RAB38: variants seen among roughly 807,000 people sequenced by gnomAD.
RAB38 encodes the protein RAB38, member RAS oncogene family, also known as ras-related protein Rab-38.
A neutral mutation model predicts 18.4 loss-of-function variants in RAB38; 15 were observed. The observed-to-expected ratio is 0.82, with a 90% CI of 0.55 to 1.26. RAB38 has a LOEUF of 1.26. RAB38 is among the 50% of genes most tolerant of loss of function. The pLI is 0.00. For synonymous variants in RAB38, 101 were observed against 104.4 expected, an observed-to-expected ratio of 0.97 and a Z score of 0.20; for missense variants, 294 against 267.4, an observed-to-expected ratio of 1.10 and a Z score of -0.69.
chr11:87,871,371 C>G, the RAB38 span, among the ~76,000 whole-genome samples: 5 of 151,604 alleles, frequency 3.3e-5, no homozygotes, highest in African/African-American at 1.2e-4. Context: ...AAAAAGACTA[C>G]AGCTACAAAA....
the RAB38 span, among the ~76,000 whole-genome samples, chr11:87,812,266 T>C: frequency 2.0e-5 from 3 of 152,190 alleles, no homozygotes; most frequent in African/African-American, 7.2e-5. Context: ...TACAAAACCT[T>C]CCTTGTCATT....
intron 2 of RAB38, among the ~76,000 whole-genome samples, chr11:88,125,970 G>A (rs1942690417): frequency 6.6e-6 from 1 of 152,150 alleles, no homozygotes; most frequent in Non-Finnish European, 1.5e-5. Context: ...TATTAAACAG[G>A]GAATCCTTTC....
chr11:88,165,280 C>G (rs1454604728), intron 1 of RAB38, among the ~76,000 whole-genome samples: 1 of 152,032 alleles, frequency 6.6e-6, no homozygotes, highest in African/African-American at 2.4e-5. Context: ...CCCAGCATGA[C>G]CTGCTACTAT....
At chr11:87,804,047 G>C in the RAB38 span, among the ~76,000 whole-genome samples, 8 of 152,328 alleles carry the variant, frequency 5.3e-5, no homozygotes, top group East Asian at 1.3e-3. Context: ...CAACTTGGGT[G>C]ACCAAAACCG....
the RAB38 span, among the ~76,000 whole-genome samples, chr11:88,044,938 A>G: frequency 0.75 from 113,256 of 151,968 alleles, 42,375 homozygotes; most frequent in African/African-American, 0.79. Flanking sequence ...TTACAGTTTC[A>G]TTCTGCGACT....
the RAB38 span, among the ~76,000 whole-genome samples, chr11:87,903,497 T>C: frequency 6.6e-6 from 1 of 151,600 alleles, no homozygotes; most frequent in South Asian, 2.1e-4. Flanking sequence ...CCTTCACTCT[T>C]GAAGGATATT....
chr11:88,005,595 T>G, the RAB38 span, among the ~76,000 whole-genome samples: 5 of 151,442 alleles, frequency 3.3e-5, no homozygotes, highest in Non-Finnish European at 5.9e-5. Context: ...GTTTTTTTTT[T>G]TAATTTCATA....
chr11:88,173,224 T>G (rs1441186071), intron 1 of RAB38, among the ~76,000 whole-genome samples: 6 of 152,228 alleles, frequency 3.9e-5, no homozygotes. Context: ...CATATCCTTC[T>G]TGCCTAGCAT....
the RAB38 span, among the ~76,000 whole-genome samples, chr11:88,046,984 CT>C: frequency 6.6e-6 from 1 of 152,144 alleles, no homozygotes; most frequent in Non-Finnish European, 1.5e-5. Flanking sequence ...GCCCTGTAGC[CT>C]TTTTATCCTA....
the RAB38 span, among the ~76,000 whole-genome samples, chr11:88,020,989 C>CA: frequency 6.6e-6 from 1 of 151,594 alleles, no homozygotes. Context: ...GTGCCTACAT[C>CA]AAAAAAGAGG....
chr11:87,831,514 C>T, the RAB38 span, among the ~76,000 whole-genome samples: 1 of 152,126 alleles, frequency 6.6e-6, no homozygotes, highest in Non-Finnish European at 1.5e-5. Context: ...TGGGGCATGG[C>T]ATTGTTTAGA....
At chr11:88,044,094 G>C in the RAB38 span, among the ~76,000 whole-genome samples, 2 of 152,118 alleles carry the variant, frequency 1.3e-5, no homozygotes, top group African/African-American at 4.8e-5. Context: ...CAAAGGAGAG[G>C]CATTTTATCC....
At position 88,134,200 on chromosome 11, in the gene RAB38, CTG is replaced by C. The variant is rs142298704; in HGVS notation, c.483+15473_483+15474del. 7.3e-3 allele frequency among the ~76,000 whole-genome samples: 1,108 copies of C among 152,294 alleles called. 15 individuals are homozygous for C. The highest frequency in any genetic ancestry group is 0.026 in the African/African-American group (1,062 of 41,560). On this transcript the variant is annotated intron_variant, in intron 2 of 2. Transcript: ENST00000243662. ...TTGTATCTCTTACCCATTGATCCCT[CTG>C]TATCTCAGGACCCCATTCAAAAACT...
the RAB38 span, among the ~76,000 whole-genome samples, chr11:88,086,528 C>T: frequency 7.9e-5 from 12 of 151,976 alleles, no homozygotes; most frequent in Admixed American, 3.9e-4. Flanking sequence ...ACCTGACATA[C>T]GCTATTCCAA....
chr11:87,866,744 A>T, the RAB38 span, among the ~76,000 whole-genome samples: 1 of 151,750 alleles, frequency 6.6e-6, no homozygotes, highest in Non-Finnish European at 1.5e-5. Flanking sequence ...CTGATCCCCA[A>T]GCCAAAATAT....
chr11:87,962,258 T>C, the RAB38 span, among the ~76,000 whole-genome samples: 3 of 152,312 alleles, frequency 2.0e-5, no homozygotes, highest in African/African-American at 7.2e-5. Flanking sequence ...ATGTACTACC[T>C]GGAGCACTAA....
At chr11:87,830,370 A>G in the RAB38 span, among the ~76,000 whole-genome samples, 1 of 152,030 alleles carries the variant, frequency 6.6e-6, no homozygotes, top group African/African-American at 2.4e-5. Context: ...GGTCCCAGCT[A>G]CTTGGGAGGC....
At chr11:88,018,672 A>G in the RAB38 span, among the ~76,000 whole-genome samples, 3 of 152,168 alleles carry the variant, frequency 2.0e-5, no homozygotes, top group Admixed American at 2.0e-4. Flanking sequence ...AAAATCTATC[A>G]TGTTCAAGTT....
chr11:88,071,407 GAAGCAAT>G, the RAB38 span, among the ~76,000 whole-genome samples: 1 of 152,178 alleles, frequency 6.6e-6, no homozygotes, highest in Non-Finnish European at 1.5e-5. Context: ...GAGAGTGACA[GAAGCAAT>G]AGCTATCTAA....
Sources: allele counts gnomAD v4.1 joint callset (sites outside exome capture counted in the v4.1 genomes callset), GRCh38; gene constraint gnomAD v4.1.1; transcripts MANE v1.5; gene names NCBI Gene and HGNC (gene_info 2026-07-23, HGNC 2026-07-21).